PPP3CC: variants seen among roughly 807,000 people sequenced by gnomAD.
PPP3CC encodes the protein serine/threonine-protein phosphatase 2B catalytic subunit gamma isoform.
PPP3CC carries 35 observed loss-of-function variants against 60.3 expected under a neutral mutation model. The ratio of observed to expected loss-of-function variants is 0.58; its 90% confidence interval spans 0.44 to 0.77. The LOEUF (loss-of-function observed/expected upper bound fraction) is 0.77, where lower values mean the gene tolerates loss of function less well. PPP3CC is among the 30% of genes least tolerant of loss of function. The pLI, the probability that PPP3CC is intolerant of heterozygous loss-of-function variation, is 0.00. For missense variants in PPP3CC, 570 were observed against 628.9 expected, an observed-to-expected ratio of 0.91 and a Z score of 1.00; for synonymous variants, 206 against 224.3, an observed-to-expected ratio of 0.92 and a Z score of 0.73.
At chr8:22,502,398 C>T (rs1165398626) in intron 4 of PPP3CC, among the ~76,000 whole-genome samples, 1 of 152,072 alleles carries the variant, frequency 6.6e-6, no homozygotes, top group East Asian at 1.9e-4. Context: ...ATTGAAAGAC[C>T]AAGGTGGCCG....
In PPP3CC at chr8:22,445,257, C is replaced by G. The variant is rs1324610149; in HGVS notation, c.49+3799C>G. ...TTAGTGTGGACAAAAATTGCTATTT[C>G]TACAAATATACCCTAAACCCGATTT... On this transcript the variant is annotated intron_variant, in intron 1 of 13. Transcript: ENST00000240139. Among the ~76,000 whole-genome samples, 3 of 152,114 alleles carry G rather than the reference C, an allele frequency of 2.0e-5. No individual in the cohort carries two copies. In the East Asian group the frequency reaches 5.8e-4, roughly 29 times the overall value.
intron 1 of PPP3CC, among the ~76,000 whole-genome samples, chr8:22,455,009 T>C (rs972420742): frequency 6.9e-6 from 1 of 144,878 alleles, no homozygotes; most frequent in Non-Finnish European, 1.5e-5. Flanking sequence ...TGAGCCGAGA[T>C]TGCGCCACTG....
intron 10 of PPP3CC, among the ~76,000 whole-genome samples, chr8:22,530,031 C>T (rs1372946969): frequency 5.3e-5 from 8 of 152,156 alleles, no homozygotes; most frequent in Non-Finnish European, 8.8e-5. Flanking sequence ...TAAACCATCT[C>T]CATCGTGGAG....
chr8:22,493,600 C>G (rs1013482414), intron 3 of PPP3CC, among the ~76,000 whole-genome samples: 1 of 152,004 alleles, frequency 6.6e-6, no homozygotes, highest in Admixed American at 6.6e-5. Flanking sequence ...TGCACGTGCG[C>G]ACGCATCTAG....
intron 1 of PPP3CC, among the ~76,000 whole-genome samples, chr8:22,474,704 C>CA (rs1837834223): frequency 6.6e-6 from 1 of 151,940 alleles, no homozygotes; most frequent in Non-Finnish European, 1.5e-5. Flanking sequence ...GCCTCCATCT[C>CA]AAAAAAACAA....
At chr8:22,455,290 G>C (rs1408224583) in intron 1 of PPP3CC, among the ~76,000 whole-genome samples, 2 of 152,132 alleles carry the variant, frequency 1.3e-5, no homozygotes, top group Non-Finnish European at 2.9e-5. Context: ...AAATGTCACA[G>C]AAATTTAGAA....
chr8:22,495,739 A>C (rs935362014), intron 3 of PPP3CC, among the ~76,000 whole-genome samples: 12 of 152,022 alleles, frequency 7.9e-5, no homozygotes, highest in African/African-American at 2.9e-4. Context: ...TTGTATTTTT[A>C]GTAGAGAAGA....
At chr8:22,518,813 A>C (rs901430343) in intron 6 of PPP3CC, among the ~76,000 whole-genome samples, 1 of 152,114 alleles carries the variant, frequency 6.6e-6, no homozygotes, top group African/African-American at 2.4e-5. Context: ...CAGCCTCCCA[A>C]GTAGCTGGGA....
chr8:22,452,497 T>A (rs779448710), intron 1 of PPP3CC, among the ~76,000 whole-genome samples: 7 of 152,162 alleles, frequency 4.6e-5, no homozygotes, highest in Admixed American at 2.6e-4. Context: ...AAATTTCTGT[T>A]TGTTTTTTTT....
chr8:22,525,823 G>A (rs1001244904), intron 8 of PPP3CC, among the ~76,000 whole-genome samples: 1 of 150,330 alleles, frequency 6.7e-6, no homozygotes, highest in Admixed American at 6.6e-5. Flanking sequence ...GCCTCCCAAA[G>A]TGCTGGTATT....
At chr8:22,520,765 ATTTTGGATTC>A (rs1839385071) in intron 6 of PPP3CC, among the ~76,000 whole-genome samples, 1 of 152,120 alleles carries the variant, frequency 6.6e-6, no homozygotes, top group Non-Finnish European at 1.5e-5. Flanking sequence ...TAAGATGATT[ATTTTGGATTC>A]TTTGTCATGC....
chr8:22,466,937 G>A (rs1837540143), intron 1 of PPP3CC, among the ~76,000 whole-genome samples: 1 of 151,974 alleles, frequency 6.6e-6, no homozygotes, highest in Non-Finnish European at 1.5e-5. Flanking sequence ...TAGAGATGGG[G>A]GTCTCACCAT....
intron 1 of PPP3CC, among the ~76,000 whole-genome samples, chr8:22,463,338 C>T (rs1441391060): frequency 6.6e-6 from 1 of 152,178 alleles, no homozygotes; most frequent in Non-Finnish European, 1.5e-5. Flanking sequence ...CAGTATGCAT[C>T]ATTAATTTAT....
At chr8:22,505,429 A>AT (rs1320380728) in intron 4 of PPP3CC, among the ~76,000 whole-genome samples, 1 of 152,168 alleles carries the variant, frequency 6.6e-6, no homozygotes. Context: ...TGACAACTGG[A>AT]TTTTTTAAAA....
intron 1 of PPP3CC, among the ~76,000 whole-genome samples, chr8:22,462,021 G>A (rs1456035546): frequency 6.6e-6 from 1 of 152,118 alleles, no homozygotes; most frequent in Non-Finnish European, 1.5e-5. Flanking sequence ...GATCGCATGA[G>A]GCCAGGAGTT....
intron 4 of PPP3CC, among the ~76,000 whole-genome samples, chr8:22,499,781 C>T (rs749663910): frequency 1.3e-5 from 2 of 152,212 alleles, no homozygotes; most frequent in Non-Finnish European, 2.9e-5. Context: ...TCATTCATGT[C>T]ATTTATTCCG....
At chr8:22,506,061 A>G (rs1282974304) in intron 4 of PPP3CC, among the ~76,000 whole-genome samples, 1 of 151,792 alleles carries the variant, frequency 6.6e-6, no homozygotes, top group Non-Finnish European at 1.5e-5. Context: ...CCCTCCTCCT[A>G]CCCTCCATTT....
At chr8:22,458,584 C>T (rs886232874) in intron 1 of PPP3CC, among the ~76,000 whole-genome samples, 6 of 149,318 alleles carry the variant, frequency 4.0e-5, no homozygotes, top group African/African-American at 4.9e-5. Context: ...GGCAACAGAG[C>T]GAGACACCGT....
intron 3 of PPP3CC, among the ~76,000 whole-genome samples, chr8:22,497,448 G>A (rs145668847): frequency 6.6e-6 from 1 of 151,948 alleles, no homozygotes; most frequent in Non-Finnish European, 1.5e-5. Flanking sequence ...TATGTGTGCC[G>A]CTGTGCCCCA....
Sources: allele counts gnomAD v4.1 joint callset (sites outside exome capture counted in the v4.1 genomes callset), GRCh38; gene constraint gnomAD v4.1.1; transcripts MANE v1.5; gene names NCBI Gene and HGNC (gene_info 2026-07-23, HGNC 2026-07-21).